LRRC4C: variants seen among roughly 807,000 people sequenced by gnomAD.
LRRC4C encodes the protein leucine rich repeat containing 4C, also known as leucine-rich repeat-containing protein 4C.
In LRRC4C, 5 loss-of-function variants were observed where a neutral mutation model predicts 33.6. The ratio of observed to expected loss-of-function variants is 0.15; its 90% CI spans 0.08 to 0.31. LRRC4C has a LOEUF of 0.31. Among genes scored for constraint, LRRC4C ranks in the 10% least tolerant of loss-of-function variants. The pLI, the probability that LRRC4C is intolerant of heterozygous loss-of-function variation, is 1.00. For synonymous variants in LRRC4C, 329 were observed against 302.0 expected (o/e 1.09, Z -0.93); for missense variants, 560 against 796.7 (o/e 0.70, Z 3.58).
chr11:40,431,254 C>T (rs1300444049), intron 3 of LRRC4C, among the ~76,000 whole-genome samples: 1 of 151,604 alleles, frequency 6.6e-6, no homozygotes, highest in East Asian at 1.9e-4. Context: ...TGGTGAAACA[C>T]TGTCTCTACT....
At chr11:41,233,332 T>C (rs1356392927) in intron 1 of LRRC4C, among the ~76,000 whole-genome samples, 1 of 152,014 alleles carries the variant, frequency 6.6e-6, no homozygotes, top group Non-Finnish European at 1.5e-5. Flanking sequence ...GAAAAATTGT[T>C]AATATCAATA....
chr11:40,432,673 C>T (rs1210505332), intron 3 of LRRC4C, among the ~76,000 whole-genome samples: 1 of 152,180 alleles, frequency 6.6e-6, no homozygotes, highest in Non-Finnish European at 1.5e-5. Flanking sequence ...ATCCCAGACT[C>T]TAACAGTTTC....
At chr11:40,225,331 A>G (rs145595360) in intron 5 of LRRC4C, among the ~76,000 whole-genome samples, 36 of 152,308 alleles carry the variant, frequency 2.4e-4, no homozygotes, top group Non-Finnish European at 4.6e-4. Flanking sequence ...AAAATAAAAC[A>G]TTTAACAAGG....
chr11:40,715,377 T>C (rs919918659), intron 2 of LRRC4C, among the ~76,000 whole-genome samples: 1 of 152,128 alleles, frequency 6.6e-6, no homozygotes, highest in African/African-American at 2.4e-5. Flanking sequence ...TCAAAGTATA[T>C]AAAAAGCCAA....
chr11:40,369,318 T>C (rs1461847795), intron 3 of LRRC4C, among the ~76,000 whole-genome samples: 1 of 152,194 alleles, frequency 6.6e-6, no homozygotes, highest in Non-Finnish European at 1.5e-5. Flanking sequence ...GATCCCATTT[T>C]ATTCTGCAGT....
In LRRC4C at chr11:40,542,869, G is replaced by A. The variant is rs573178849; in HGVS notation, c.-270+105273C>T. ...TATTTTATTGACTGTTTTTGCTTTT[G>A]TGAATGTTTTTACATGCTTATGAGT... is the stretch of plus-strand genomic sequence containing the variant. On this transcript the variant is annotated intron_variant, in intron 3 of 6. Transcript: ENST00000528697. Among the ~76,000 whole-genome samples the A allele has an allele frequency of 2.6e-5, 4 of 152,160 alleles. No homozygotes were observed. The South Asian group carries it at 8.3e-4, about 32-fold the overall frequency.
At chr11:40,503,156 C>G (rs61886212) in intron 3 of LRRC4C, among the ~76,000 whole-genome samples, 1 of 152,156 alleles carries the variant, frequency 6.6e-6, no homozygotes, top group South Asian at 2.1e-4. Context: ...CTTCTGCTAC[C>G]TGGTAGTTCA....
chr11:40,319,936 T>TTA (rs1289376473), intron 3 of LRRC4C, among the ~76,000 whole-genome samples: 9 of 151,964 alleles, frequency 5.9e-5, no homozygotes, highest in Non-Finnish European at 1.2e-4. Context: ...TGTGTATGTA[T>TTA]TATATATATA....
At chr11:40,153,717 C>T (rs927320883) in intron 5 of LRRC4C, among the ~76,000 whole-genome samples, 16 of 151,678 alleles carry the variant, frequency 1.1e-4, no homozygotes, top group Admixed American at 3.3e-4. Flanking sequence ...ACAATGTCTT[C>T]GAATTAACCC....
chr11:40,906,211 C>T (rs557010978), intron 2 of LRRC4C, among the ~76,000 whole-genome samples: 4 of 152,286 alleles, frequency 2.6e-5, no homozygotes, highest in African/African-American at 9.6e-5. Context: ...CCATCGCACA[C>T]TTAAAAACTA....
intron 2 of LRRC4C, among the ~76,000 whole-genome samples, chr11:40,865,511 G>A (rs1488154814): frequency 6.8e-6 from 1 of 147,028 alleles, no homozygotes; most frequent in Admixed American, 6.9e-5. Flanking sequence ...TCCACAGTGT[G>A]TATATATATA....
At chr11:41,111,808 C>T (rs530362278) in intron 1 of LRRC4C, among the ~76,000 whole-genome samples, 3 of 152,148 alleles carry the variant, frequency 2.0e-5, no homozygotes, top group Non-Finnish European at 4.4e-5. Flanking sequence ...TACCAACTAG[C>T]TCATCAATAT....
chr11:40,449,336 CA>C (rs1402458390), intron 3 of LRRC4C, among the ~76,000 whole-genome samples: 1 of 102,500 alleles, frequency 9.8e-6, no homozygotes, highest in Non-Finnish European at 2.1e-5. Flanking sequence ...CAAAGCAAAA[CA>C]AAAGAAGCAA....
chr11:41,192,681 A>C (rs1480872665), intron 1 of LRRC4C, among the ~76,000 whole-genome samples: 2 of 152,100 alleles, frequency 1.3e-5, no homozygotes, highest in African/African-American at 2.4e-5. Context: ...TGAATGCAGA[A>C]TTGCTATGAA....
At chr11:40,954,434 A>G (rs1356163070) in intron 1 of LRRC4C, among the ~76,000 whole-genome samples, 1 of 151,858 alleles carries the variant, frequency 6.6e-6, no homozygotes, top group African/African-American at 2.4e-5. Context: ...AGGCATTTGC[A>G]TGGCTCCAAT....
At chr11:40,745,886 T>C (rs772711767) in intron 2 of LRRC4C, among the ~76,000 whole-genome samples, 1 of 152,208 alleles carries the variant, frequency 6.6e-6, no homozygotes. Context: ...AAATATATTT[T>C]AGTTATGCAG....
intron 1 of LRRC4C, among the ~76,000 whole-genome samples, chr11:40,996,740 G>A (rs752367495): frequency 1.6e-4 from 24 of 152,264 alleles, no homozygotes; most frequent in Non-Finnish European, 3.2e-4. Flanking sequence ...AAATGGCAAA[G>A]GGGGAACAGG....
chr11:41,034,657 T>C (rs1856954439), intron 1 of LRRC4C, among the ~76,000 whole-genome samples: 1 of 145,582 alleles, frequency 6.9e-6, no homozygotes, highest in Non-Finnish European at 1.5e-5. Flanking sequence ...AGTTATTATA[T>C]ATATATATGA....
chr11:40,134,491 A>G (rs1856844062), intron 6 of LRRC4C, among the ~76,000 whole-genome samples: 1 of 152,198 alleles, frequency 6.6e-6, no homozygotes, highest in African/African-American at 2.4e-5. Context: ...TCTAAGATGA[A>G]TGGTTTGGAA....
Sources: allele counts gnomAD v4.1 joint callset (sites outside exome capture counted in the v4.1 genomes callset), GRCh38; gene constraint gnomAD v4.1.1; transcripts MANE v1.5; gene names NCBI Gene and HGNC (gene_info 2026-07-23, HGNC 2026-07-21).